Variants in TIPIN observed in about 807,000 individuals in gnomAD.
TIPIN encodes the protein TIMELESS interacting protein.
In TIPIN, 29 loss-of-function variants were observed where a neutral mutation model predicts 35.6. That is an observed-to-expected ratio of 0.82 (90% confidence interval 0.61 to 1.11). The LOEUF (loss-of-function observed/expected upper bound fraction) is 1.11, where lower values mean the gene tolerates loss of function less well. Among genes scored for constraint, TIPIN ranks in the 50% most tolerant of loss-of-function variants. The pLI is 0.00. For synonymous variants in TIPIN, 102 were observed against 121.5 expected, an observed-to-expected ratio of 0.84 and a Z score of 1.06; for missense variants, 296 against 345.4, an observed-to-expected ratio of 0.86 and a Z score of 1.13.
intron 7 of TIPIN, among the ~76,000 whole-genome samples, 163 bp downstream of exon 7, chr15:66,340,987 C>G (rs996034974): frequency 7.2e-5 from 11 of 152,138 alleles, no homozygotes; most frequent in African/African-American, 2.7e-4. Flanking sequence ...GCCATTCTCT[C>G]TCTCCTCTCT....
intron 1 of TIPIN, among the ~76,000 whole-genome samples, chr15:66,380,306 C>T (rs966895827): frequency 1.3e-5 from 2 of 151,824 alleles, no homozygotes; most frequent in African/African-American, 4.8e-5. Flanking sequence ...CGCCCGGCCC[C>T]TACACCTTCA....
intron 7 of TIPIN, among the ~76,000 whole-genome samples, chr15:66,338,721 C>G (rs901643984): frequency 7.1e-6 from 1 of 141,212 alleles, no homozygotes; most frequent in Non-Finnish European, 1.5e-5. Flanking sequence ...GGCTGAGGCA[C>G]GAGAATGGCA....
At chr15:66,383,517 G>A (rs1397171783) in intron 1 of TIPIN, 1 of 882,876 alleles carries the variant, frequency 1.1e-6, no homozygotes, top group Non-Finnish European at 1.4e-6. Flanking sequence ...TCCCACCTCA[G>A]CCTCCCAAAG....
chr15:66,349,488 AC>A, intron 4 of TIPIN, 51 bp from the exon 5 acceptor site: 1 of 1,575,620 alleles, frequency 6.3e-7, no homozygotes, highest in East Asian at 2.3e-5. Context: ...CTCACAGCTG[AC>A]CCCGTCAGCA....
chr15:66,350,164 A>T (rs1289643423), intron 4 of TIPIN, among the ~76,000 whole-genome samples: 1 of 151,758 alleles, frequency 6.6e-6, no homozygotes, highest in East Asian at 2.0e-4. Flanking sequence ...AGGTTTTGCC[A>T]TGTTGGCCAG....
At chr15:66,382,194 G>T in intron 1 of TIPIN, 1 of 208,118 alleles carries the variant, frequency 4.8e-6, no homozygotes, top group Non-Finnish European at 8.4e-6. Flanking sequence ...ACTATTTAGT[G>T]CAGTAGTAGA....
intron 1 of TIPIN, among the ~76,000 whole-genome samples, chr15:66,375,564 C>T (rs944537604): frequency 2.0e-5 from 3 of 148,250 alleles, no homozygotes; most frequent in Admixed American, 6.8e-5. Context: ...AGCAGCTGGG[C>T]GCGGTGGCTT....
At chr15:66,374,222 T>C (rs1168435963) in intron 1 of TIPIN, among the ~76,000 whole-genome samples, 1 of 151,940 alleles carries the variant, frequency 6.6e-6, no homozygotes, top group African/African-American at 2.4e-5. Context: ...AGAAGTATGA[T>C]CCCCTCACAC....
chr15:66,338,538 G>A (rs1200192253), intron 7 of TIPIN, among the ~76,000 whole-genome samples: 1 of 152,088 alleles, frequency 6.6e-6, no homozygotes, highest in Non-Finnish European at 1.5e-5. Context: ...AAATTGGCCA[G>A]GTGCGGTGGC....
Position 66,366,852 on chromosome 15 carries a change from T to C in TIPIN, c.-8-13897A>G, listed in dbSNP as rs145713347. On this transcript the variant is annotated intron_variant, in intron 1 of 7. Coordinates refer to the TIPIN transcript ENST00000562124. ...AGCAGTGGACTATGTGTGTCCAAAA[T>C]GCAGGGAGAGAAATCCAGGGCAACA... is the stretch of plus-strand genomic sequence containing the variant. The C allele has an allele frequency of 1.2e-4, 116 of 983,700 alleles. No homozygotes were observed. The East Asian group carries it at 8.8e-3, about 75-fold the overall frequency. 60.9% of individuals were successfully genotyped at this position (983,700 alleles called of 1,614,324 possible).
chr15:66,374,391 G>A (rs536865905), intron 1 of TIPIN, among the ~76,000 whole-genome samples: 3 of 150,654 alleles, frequency 2.0e-5, no homozygotes, highest in East Asian at 3.9e-4. Context: ...TCCTGTTCAA[G>A]TGTTTTGCCC....
At chr15:66,367,208 C>CTATATCTATATCTATATCTATA (rs772405456) in intron 1 of TIPIN, among the ~76,000 whole-genome samples, 2 of 149,064 alleles carry the variant, frequency 1.3e-5, no homozygotes, top group Admixed American at 6.8e-5. Flanking sequence ...ATATCTATAT[C>CTATATCTATATCTATATCTATA]TATATCTATA....
chr15:66,377,506 A>G (rs985507893), intron 1 of TIPIN, among the ~76,000 whole-genome samples: 12 of 152,080 alleles, frequency 7.9e-5, no homozygotes, highest in African/African-American at 2.4e-4. Flanking sequence ...CTGGGACTAC[A>G]GGCGCGTGCC....
intron 7 of TIPIN, among the ~76,000 whole-genome samples, chr15:66,339,901 G>T (rs1406699262): frequency 4.0e-5 from 6 of 150,056 alleles, no homozygotes; most frequent in Non-Finnish European, 7.4e-5. Flanking sequence ...ACGGAGTCTT[G>T]CTCTGTCACC....
intron 7 of TIPIN, among the ~76,000 whole-genome samples, chr15:66,339,023 TGAG>T (rs1381027826): frequency 1.4e-5 from 2 of 147,286 alleles, no homozygotes; most frequent in African/African-American, 5.0e-5. Flanking sequence ...CCTAGCTACT[TGAG>T]GAGGCTGAAG....
At chr15:66,368,271 G>A (rs2093265187) in intron 1 of TIPIN, among the ~76,000 whole-genome samples, 1 of 151,888 alleles carries the variant, frequency 6.6e-6, no homozygotes, top group Non-Finnish European at 1.5e-5. Flanking sequence ...TATAATCCCA[G>A]CACTTTGGGA....
At chr15:66,374,682 C>A (rs562705955) in intron 1 of TIPIN, among the ~76,000 whole-genome samples, 1 of 152,098 alleles carries the variant, frequency 6.6e-6, no homozygotes, top group Non-Finnish European at 1.5e-5. Flanking sequence ...CAGGTTCAAG[C>A]GATTTTCCTG....
chr15:66,374,088 T>G (rs529082003), intron 1 of TIPIN, among the ~76,000 whole-genome samples: 1 of 152,148 alleles, frequency 6.6e-6, no homozygotes, highest in Non-Finnish European at 1.5e-5. Flanking sequence ...TAATAAAACA[T>G]TTACTATTTA....
chr15:66,374,701 T>G (rs972048053), intron 1 of TIPIN, among the ~76,000 whole-genome samples: 3 of 152,160 alleles, frequency 2.0e-5, no homozygotes, highest in African/African-American at 7.2e-5. Flanking sequence ...TGCCTCACCC[T>G]TCCAAGTAGC....
Sources: allele counts gnomAD v4.1 joint callset (sites outside exome capture counted in the v4.1 genomes callset), GRCh38; gene constraint gnomAD v4.1.1; transcripts MANE v1.5; gene names NCBI Gene and HGNC (gene_info 2026-07-23, HGNC 2026-07-21).